TCERG1L: variants seen among roughly 807,000 people sequenced by gnomAD.
TCERG1L encodes the protein transcription elongation regulator 1 like.
A neutral mutation model predicts 56.3 loss-of-function variants in TCERG1L; 37 were observed. The observed-to-expected ratio is 0.66, with a 90% CI of 0.51 to 0.87. The LOEUF is 0.87. Ranked by LOEUF, TCERG1L falls within the 40% of genes least tolerant of loss-of-function variation. The pLI is 0.00. For synonymous variants in TCERG1L, 324 were observed against 326.3 expected (o/e 0.99, Z 0.08); for missense variants, 799 against 774.2 (o/e 1.03, Z -0.38).
rs559573804 is a variant in TCERG1L at position 131,114,042 on chromosome 10, A to G, written c.1395+2757T>C. ...AACCTTCTGCTGAACCATCATTTAC[A>G]TGCCACAAAACCACAAAACCTTCAT... On this transcript the variant is annotated intron_variant, in intron 9 of 11. Transcript: ENST00000368642. Among the ~76,000 whole-genome samples, 62 of 142,274 alleles carry G rather than the reference A, an allele frequency of 4.4e-4. 5 individuals are homozygous for G. Among genetic ancestry groups the G allele is most frequent in the African/African-American group, 1.4e-3 (58 of 40,378 alleles). The allele number at this position is 142,274 out of a possible 152,430, so 93.3% of individuals were successfully genotyped here. A position where few individuals can be genotyped will look rare whatever the true frequency, so the allele number is the denominator to read the frequency against.
chr10:131,311,501 G>C lies in TCERG1L; in HGVS notation c.135C>G (p.Gly45=), dbSNP rs1846899183. ...CGCTGAGCCGGAGCAGCCCGGCCGA[G>C]CCCGGCACCATCCAGACCCAGGGCG... ...PPPPWVWMVP[G]SAGLLRLSAG... Residue 45 remains glycine, a synonymous_variant, in exon 1 of 12, where the codon GGC becomes GGG. Coordinates refer to ENST00000368642, the MANE Select transcript of TCERG1L (RefSeq NM_174937.4). This position sits in a 1 kb window ranked among gnomAD's most constrained non-coding sequence, Gnocchi z 4.0. 14 of 1,208,792 alleles carry C rather than the reference G, an allele frequency of 1.2e-5. No homozygotes were observed. The highest frequency in any genetic ancestry group is 3.8e-5 in the East Asian group (1 of 26,136). 74.9% of individuals were successfully genotyped at this position (1,208,792 alleles called of 1,614,324 possible).
At chr10:131,121,360 C>T (rs1435700930) in intron 8 of TCERG1L, among the ~76,000 whole-genome samples, 1 of 152,196 alleles carries the variant, frequency 6.6e-6, no homozygotes, top group Non-Finnish European at 1.5e-5. Context: ...CTCTCTGGAC[C>T]TTACTCATGG....
intron 3 of TCERG1L, among the ~76,000 whole-genome samples, chr10:131,264,254 C>T (rs1384453782): frequency 6.6e-6 from 1 of 152,318 alleles, no homozygotes; most frequent in Admixed American, 6.5e-5. Context: ...TGGGGCAACA[C>T]ACCCTGCCCT....
chr10:131,238,393 C>T (rs767163322), intron 4 of TCERG1L, among the ~76,000 whole-genome samples: 2 of 152,286 alleles, frequency 1.3e-5, no homozygotes, highest in African/African-American at 2.4e-5. Context: ...ACACGCAGGG[C>T]GGGGGTCTCC....
intron 11 of TCERG1L, among the ~76,000 whole-genome samples, chr10:131,097,099 T>C (rs543361625): frequency 7.4e-5 from 11 of 149,280 alleles, no homozygotes; most frequent in African/African-American, 2.0e-4. Context: ...ACTTGAGAGG[T>C]TGAAGCAGGG....
intron 3 of TCERG1L, among the ~76,000 whole-genome samples, chr10:131,278,591 C>T (rs1339029689): frequency 6.6e-6 from 1 of 152,166 alleles, no homozygotes; most frequent in Non-Finnish European, 1.5e-5. Context: ...GATCCACCCG[C>T]CTCGGCCTCC....
At chr10:131,217,803 G>A (rs558380996) in intron 4 of TCERG1L, among the ~76,000 whole-genome samples, 2 of 136,982 alleles carry the variant, frequency 1.5e-5, no homozygotes, top group South Asian at 2.5e-4. Flanking sequence ...CTCACTGCAA[G>A]CTCTGCCTCC....
intron 10 of TCERG1L, among the ~76,000 whole-genome samples, chr10:131,100,221 T>C (rs1845292196): frequency 6.6e-6 from 1 of 152,200 alleles, no homozygotes; most frequent in Admixed American, 6.5e-5. Flanking sequence ...CTTAGTTATC[T>C]TATATTTAAC....
intron 4 of TCERG1L, among the ~76,000 whole-genome samples, chr10:131,256,128 A>G (rs1846162592): frequency 6.6e-6 from 1 of 152,224 alleles, no homozygotes; most frequent in African/African-American, 2.4e-5. Context: ...GTTAATATGT[A>G]TTATGACATT....
In TCERG1L at chr10:131,278,492, G is replaced by A. The variant is rs1047181708; in HGVS notation, c.671-18048C>T. Among the ~76,000 whole-genome samples, 30 of 151,796 alleles carry A rather than the reference G, an allele frequency of 2.0e-4. 1 individual carries two copies. Among genetic ancestry groups the A allele is most frequent in the Non-Finnish European group, 3.1e-4 (21 of 67,890 alleles). The stretch of plus-strand genomic sequence containing the variant: ...AGCTGGAATTACAGGTGCCCACCAC[G>A]ATGCCCAGCTAATTTTTTTTTTGTA... On this transcript the variant is annotated intron_variant, in intron 3 of 11. Coordinates refer to ENST00000368642, the MANE Select transcript of TCERG1L (RefSeq NM_174937.4).
At chr10:131,177,083 C>CAT (rs1846169637) in intron 4 of TCERG1L, among the ~76,000 whole-genome samples, 1 of 102,198 alleles carries the variant, frequency 9.8e-6, no homozygotes, top group East Asian at 2.2e-4. Context: ...TACACACACA[C>CAT]GTACTCACAG....
At chr10:131,203,443 T>C (rs10829947) in intron 4 of TCERG1L, among the ~76,000 whole-genome samples, 79,410 of 151,996 alleles carry the variant, frequency 0.52, 20,971 homozygotes, top group East Asian at 0.61. Flanking sequence ...GACAGCAAAC[T>C]GCCTCTGGTA....
At chr10:131,187,079 T>C (rs1444168765) in intron 4 of TCERG1L, among the ~76,000 whole-genome samples, 1 of 152,176 alleles carries the variant, frequency 6.6e-6, no homozygotes, top group Non-Finnish European at 1.5e-5. Flanking sequence ...GCTCTGCCCC[T>C]GTACAACAAG....
chr10:131,122,350 A>G (rs74160853), intron 8 of TCERG1L, among the ~76,000 whole-genome samples: 3,687 of 152,230 alleles, frequency 0.024, 136 homozygotes, highest in African/African-American at 0.085. Context: ...CCTGAAGATT[A>G]GAGAGTTGGA....
intron 3 of TCERG1L, among the ~76,000 whole-genome samples, chr10:131,270,404 G>A (rs1185919686): frequency 6.6e-6 from 1 of 152,238 alleles, no homozygotes; most frequent in African/African-American, 2.4e-5. Flanking sequence ...TCCCGTAGTT[G>A]AGTAAATAAA....
chr10:131,094,599 C>A (rs956600753), intron 11 of TCERG1L, among the ~76,000 whole-genome samples: 31 of 152,166 alleles, frequency 2.0e-4, no homozygotes, highest in African/African-American at 6.5e-4. Context: ...ACACATCTCT[C>A]GCAAGAAAAG....
At chr10:131,203,348 T>G (rs886903159) in intron 4 of TCERG1L, among the ~76,000 whole-genome samples, 4 of 142,440 alleles carry the variant, frequency 2.8e-5, no homozygotes, top group African/African-American at 1.0e-4. Context: ...GTCACAGTGG[T>G]GACCTTCATG....
intron 4 of TCERG1L, among the ~76,000 whole-genome samples, chr10:131,213,751 G>A (rs1053409735): frequency 2.6e-5 from 4 of 152,218 alleles, no homozygotes; most frequent in Non-Finnish European, 5.9e-5. Context: ...GACTCTTAAG[G>A]GCAAGGGCAC....
intron 4 of TCERG1L, among the ~76,000 whole-genome samples, chr10:131,217,296 G>A (rs1010637297): frequency 9.9e-5 from 15 of 152,162 alleles, no homozygotes; most frequent in African/African-American, 3.6e-4. Flanking sequence ...CATGTAGGAC[G>A]CCTGCTCCAC....
Sources: gnomAD v4.1 joint callset for allele counts (sites outside exome capture counted in the v4.1 genomes callset) on GRCh38, gnomAD v4.1.1 for gene constraint, Gnocchi (gnomAD v3.1) non-coding constraint, MANE v1.5 for transcripts, NCBI Gene and HGNC (gene_info 2026-07-23, HGNC 2026-07-21) for gene names.